The following ALMS1 variants were observed in gnomAD, a reference collection of about 807,000 sequenced individuals.
ALMS1 encodes ALMS1 centrosome and basal body associated protein, also known as centrosome-associated protein ALMS1.
In ALMS1, 271 loss-of-function variants were observed where a neutral mutation model predicts 352.2. The observed-to-expected ratio is 0.77, with a 90% CI of 0.70 to 0.85. ALMS1 has a LOEUF of 0.85. ALMS1 is among the 40% of genes least tolerant of loss of function. The pLI is 0.00. For synonymous variants in ALMS1, 1,865 were observed against 1,761.2 expected, an observed-to-expected ratio of 1.06 and a Z score of -1.48; for missense variants, 5,445 against 4,870.7, an observed-to-expected ratio of 1.12 and a Z score of -3.51.
At chr2:73,397,581 C>T (rs533960909) in intron 1 of ALMS1, among the ~76,000 whole-genome samples, 15 of 152,214 alleles carry the variant, frequency 9.9e-5, no homozygotes, top group African/African-American at 3.4e-4. Context: ...GATTCTCCTG[C>T]CTCAGCCTCC....
At chr2:73,408,866 T>TA in intron 2 of ALMS1, 119 bp downstream of exon 2, 1 of 333,778 alleles carries the variant, frequency 3.0e-6, no homozygotes, top group Non-Finnish European at 4.1e-6. Context: ...TTTCTTGTCT[T>TA]TTTTTTTTTT....
At chr2:73,555,567 C>T (rs1006119483) in intron 13 of ALMS1, among the ~76,000 whole-genome samples, 9 of 152,058 alleles carry the variant, frequency 5.9e-5, no homozygotes, top group Non-Finnish European at 8.8e-5. Context: ...AATCAGGACA[C>T]GCAAAGCACC....
rs528846970 is a variant in ALMS1, at chr2:73,603,540, C to G, written c.12362+236C>G. 606 of 502,540 alleles carry G rather than the reference C, an allele frequency of 1.2e-3. 5 individuals are homozygous for G. The highest frequency in any genetic ancestry group is 5.2e-4 in the Admixed American group (16 of 30,572). 31.1% of individuals were successfully genotyped at this position (502,540 alleles called of 1,614,324 possible). ...ACTAATTTGCATGTCTTAGGCTCCT[C>G]TTTATTAGAAACCTAAATGTAAATA... On this transcript the variant is annotated intron_variant, in intron 21 of 22. Coordinates refer to ENST00000613296, the MANE Select transcript of ALMS1 (RefSeq NM_001378454.1).
chr2:73,476,875 C>T (rs1672594414), intron 9 of ALMS1, among the ~76,000 whole-genome samples: 1 of 151,928 alleles, frequency 6.6e-6, no homozygotes, highest in South Asian at 2.1e-4. Context: ...GGAAACTGAC[C>T]TGTAAGTGAA....
At chr2:73,602,142 A>G (rs781262400) in intron 19 of ALMS1, 43 bp from the exon 20 acceptor site, 7 of 1,577,464 alleles carry the variant, frequency 4.4e-6, no homozygotes, top group Admixed American at 1.8e-5. Context: ...AGATTGCATC[A>G]TTAATCTGAG....
At chr2:73,481,194 G>GT (rs879404129) in intron 9 of ALMS1, among the ~76,000 whole-genome samples, 221 of 152,284 alleles carry the variant, frequency 1.5e-3, no homozygotes, top group Non-Finnish European at 2.8e-3. Context: ...TTCTTCTAGG[G>GT]TTTTTATGGT....
At chr2:73,437,052 G>A (rs1203895365) in intron 7 of ALMS1, among the ~76,000 whole-genome samples, 1 of 152,022 alleles carries the variant, frequency 6.6e-6, no homozygotes, top group African/African-American at 2.4e-5. Flanking sequence ...TTGTTGTTTC[G>A]TTATTTAGTG....
intron 1 of ALMS1, among the ~76,000 whole-genome samples, chr2:73,389,091 C>G (rs1452338256): frequency 6.6e-6 from 1 of 152,182 alleles, no homozygotes; most frequent in Non-Finnish European, 1.5e-5. Context: ...TTCTTCTCAT[C>G]CTTGCCAACA....
At chr2:73,536,606 T>A (rs986649006) in intron 12 of ALMS1, among the ~76,000 whole-genome samples, 3 of 152,186 alleles carry the variant, frequency 2.0e-5, no homozygotes, top group Non-Finnish European at 4.4e-5. Flanking sequence ...CTAGCCGTTA[T>A]CTATGAATAT....
chr2:73,385,966 C>G lies in ALMS1; in HGVS notation c.98C>G (p.Ala33Gly). 6.7e-7 allele frequency: 1 copy of G among 1,492,630 alleles called. No individual in the cohort carries two copies. The highest frequency in any genetic ancestry group is 1.2e-5 in the South Asian group (1 of 81,836). 92.5% of individuals were successfully genotyped at this position (1,492,630 alleles called of 1,614,324 possible). Residue 33 changes from alanine (A) to glycine (G), a missense_variant, in exon 1 of 23, where the codon GCG becomes GGG. Ala to Gly is a moderately conservative substitution (Grantham distance 60). Transcript: ENST00000613296. ...EEEEEEAAAA[A>G]AANVDDVVVV... ...GAAGAGGAGGAGGCTGCAGCGGCGG[C>G]GGCGGCGAACGTGGACGACGTAGTG...
Position 73,507,573 on chromosome 2 carries a change from C to T in ALMS1, c.9540-12202C>T, listed in dbSNP as rs534243224. On this transcript the variant is annotated intron_variant, in intron 10 of 22. Coordinates refer to ENST00000613296, the MANE Select transcript of ALMS1 (RefSeq NM_001378454.1). ...TAGTTTATTTGCGTAGAGGTGTTTG[C>T]AGTATTCTCTGATGGTAGTTTGTAT... Among the ~76,000 whole-genome samples, 304 of 152,144 alleles carry T rather than the reference C, an allele frequency of 2.0e-3. 1 individual carries two copies. Among genetic ancestry groups the T allele is most frequent in the African/African-American group, 7.0e-3 (290 of 41,518 alleles).
Position 73,490,916 on chromosome 2 carries a change from C to A in ALMS1, c.8957C>A (p.Pro2986His), listed in dbSNP as rs1022866808. 2.5e-6 allele frequency: 4 copies of A among 1,613,690 alleles called. No individual in the cohort carries two copies. In the Admixed American group the frequency reaches 6.7e-5, roughly 27 times the overall value. ...GACCAAATGAATAAACACCATTTTC[C>A]CCTTCCTCAAGGTCAGGATTGTGTA... is the stretch of plus-strand genomic sequence containing the variant. ...VDDQMNKHHFPLPQGQDCVVE... is the reference protein window; with the variant it reads ...VDDQMNKHHFHLPQGQDCVVE... The change falls in exon 10 of 23, where the codon CCC becomes CAC. Residue 2986 changes from proline (P) to histidine (H), a missense_variant. Pro to His is a moderately conservative substitution (Grantham distance 77, BLOSUM62 -2). Coordinates refer to ENST00000613296, the MANE Select transcript of ALMS1 (RefSeq NM_001378454.1).
At chr2:73,597,959 A>G (rs1234913597) in intron 16 of ALMS1, among the ~76,000 whole-genome samples, 3 of 152,204 alleles carry the variant, frequency 2.0e-5, no homozygotes, top group East Asian at 3.8e-4. Flanking sequence ...CCTGCTTTCC[A>G]TATCTAAGAC....
At chr2:73,581,612 T>C (rs1675179455) in intron 16 of ALMS1, among the ~76,000 whole-genome samples, 1 of 152,248 alleles carries the variant, frequency 6.6e-6, no homozygotes, top group Admixed American at 6.5e-5. Flanking sequence ...TTTGACAGTT[T>C]TCCGTATTTT....
rs554005728 is a variant in ALMS1, at chr2:73,553,943, G to A, written c.10079-3277G>A. On this transcript the variant is annotated intron_variant, in intron 13 of 22. Transcript: ENST00000613296. ...ACATAAAATGATATGGTAGTATAAA[G>A]CATGTTATTAGGAAATAAGGATATT... is the stretch of plus-strand genomic sequence containing the variant. Among the ~76,000 whole-genome samples the A allele has an allele frequency of 3.3e-5, 5 of 152,248 alleles. No individual in the cohort carries two copies. The South Asian group carries it at 8.3e-4, about 25-fold the overall frequency.
chr2:73,569,135 C>T (rs1179019817), intron 15 of ALMS1, among the ~76,000 whole-genome samples: 1 of 150,620 alleles, frequency 6.6e-6, no homozygotes, highest in East Asian at 2.0e-4. Context: ...CTTCCTCAGC[C>T]ACCACAGTAG....
chr2:73,602,903 C>G (rs1257412542), intron 20 of ALMS1, among the ~76,000 whole-genome samples: 2 of 152,174 alleles, frequency 1.3e-5, no homozygotes, highest in Non-Finnish European at 2.9e-5. Flanking sequence ...CCTCTGGAGT[C>G]TGCATTCTTA....
At chr2:73,489,554 A>G (rs1672928247) in intron 9 of ALMS1, 80 bp from the exon 10 acceptor site, 1 of 1,539,322 alleles carries the variant, frequency 6.5e-7, no homozygotes, top group East Asian at 2.2e-5. Context: ...CGTGGGTATA[A>G]AACTGATTTG....
intron 15 of ALMS1, among the ~76,000 whole-genome samples, chr2:73,563,731 A>T (rs901012655): frequency 2.1e-5 from 3 of 139,888 alleles, no homozygotes; most frequent in South Asian, 4.4e-4. Context: ...TCAAAAAAAA[A>T]AAAAAAAAAT....
Sources: allele counts gnomAD v4.1 joint callset (sites outside exome capture counted in the v4.1 genomes callset), GRCh38; gene constraint gnomAD v4.1.1; transcripts MANE v1.5; gene names NCBI Gene and HGNC (gene_info 2026-07-23, HGNC 2026-07-21).